The following KIF1B variants were observed in gnomAD, a reference collection of about 807,000 sequenced individuals.
The protein encoded by KIF1B is kinesin family member 1B.
KIF1B carries 76 observed loss-of-function variants against 241.9 expected under a neutral mutation model. The observed-to-expected ratio is 0.31, with a 90% CI of 0.26 to 0.38. KIF1B has a LOEUF of 0.38. Among genes scored for constraint, KIF1B ranks in the 10% least tolerant of loss-of-function variants. The pLI is 1.00. For synonymous variants in KIF1B, 750 were observed against 796.7 expected (o/e 0.94, Z 0.99); for missense variants, 1,622 against 2,271.4 (o/e 0.71, Z 5.81).
At chr1:10,247,542 T>C (rs1049183967) in intron 2 of KIF1B, among the ~76,000 whole-genome samples, 4 of 152,226 alleles carry the variant, frequency 2.6e-5, no homozygotes, top group Admixed American at 6.5e-5. Flanking sequence ...ATGGTAGACA[T>C]GCAAGTATTT....
At chr1:10,343,383 A>T (rs543900769) in intron 34 of KIF1B, 96 bp downstream of exon 34, 3 of 1,105,076 alleles carry the variant, frequency 2.7e-6, no homozygotes, top group Non-Finnish European at 4.1e-6. Context: ...TTGAATTCCT[A>T]TTCTTCTATA....
chr1:10,308,429 C>A, intron 22 of KIF1B: 2 of 1,043,958 alleles, frequency 1.9e-6, no homozygotes, highest in Non-Finnish European at 2.3e-6. Context: ...AGTTTTGAAT[C>A]TTCTTGTTAA....
At chr1:10,224,157 C>T (rs1646881245) in intron 1 of KIF1B, among the ~76,000 whole-genome samples, 1 of 152,054 alleles carries the variant, frequency 6.6e-6, no homozygotes, top group Non-Finnish European at 1.5e-5. Flanking sequence ...CTCTGTTGCC[C>T]AGGCTGGAGT....
intron 10 of KIF1B, among the ~76,000 whole-genome samples, chr1:10,273,936 T>TC (rs1178349504): frequency 4.6e-5 from 6 of 131,512 alleles, no homozygotes; most frequent in Non-Finnish European, 6.5e-5. Context: ...AGTAGCTTCT[T>TC]TTTTTTTTTT....
At chr1:10,296,772 TTTG>T in intron 20 of KIF1B, 107 bp downstream of exon 20, 1 of 1,388,116 alleles carries the variant, frequency 7.2e-7, no homozygotes, top group Non-Finnish European at 1.0e-6. Context: ...CATTAGGATT[TTTG>T]TTCTTGTAAA....
intron 1 of KIF1B, among the ~76,000 whole-genome samples, chr1:10,231,868 G>A (rs1235088189): frequency 6.6e-6 from 1 of 152,026 alleles, no homozygotes; most frequent in African/African-American, 2.4e-5. Context: ...TAATAAATAG[G>A]GACTTTTTAG....
chr1:10,354,186 G>C (rs955952550), intron 38 of KIF1B, among the ~76,000 whole-genome samples: 1 of 152,134 alleles, frequency 6.6e-6, no homozygotes, highest in African/African-American at 2.4e-5. Flanking sequence ...ATCAAAAAAG[G>C]CTGAAGTCAA....
chr1:10,321,569 T>C (rs924744764), intron 23 of KIF1B, 140 bp from the exon 24 acceptor site: 1 of 839,972 alleles, frequency 1.2e-6, no homozygotes, highest in Non-Finnish European at 2.0e-6. Context: ...TGGTAAGCTT[T>C]ACTAAAAAGA....
At position 10,320,091 on chromosome 1, in the gene KIF1B, T is replaced by A; in HGVS notation, c.2164T>A (p.Ser722Thr). 1.2e-6 allele frequency: 2 copies of A among 1,613,900 alleles called. No individual in the cohort carries two copies. The highest frequency in any genetic ancestry group is 1.7e-6 in the Non-Finnish European group (2 of 1,179,860). Residue 722 changes from serine (S) to threonine (T), a missense_variant, in exon 23 of 49, where the codon TCT becomes ACT. Ser to Thr is a moderately conservative substitution (Grantham distance 58). Coordinates refer to ENST00000676179, the MANE Select transcript of KIF1B (RefSeq NM_001365951.3). ...CTTGCAGAAGCAGGTTGAAACCCGA[T>A]CTCTGGCTGCAGAAACAACTGAAGA... ...QALQKQVETR[S>T]LAAETTEEEE...
At chr1:10,272,908 T>G in intron 9 of KIF1B, 106 bp from the exon 10 acceptor site, 1 of 939,666 alleles carries the variant, frequency 1.1e-6, no homozygotes, top group East Asian at 2.7e-5. Context: ...CTTGCTTGCC[T>G]TGGAGAAATC....
At chr1:10,308,698 T>A in intron 22 of KIF1B, 1 of 866,886 alleles carries the variant, frequency 1.2e-6, no homozygotes. Context: ...CATCTGAAGA[T>A]GGTTGTAAAC....
intron 5 of KIF1B, among the ~76,000 whole-genome samples, chr1:10,262,601 A>G (rs1262657753): frequency 6.6e-6 from 1 of 152,180 alleles, no homozygotes; most frequent in Admixed American, 6.5e-5. Context: ...GGAGGGTGTA[A>G]GCACCCATTG....
At chr1:10,336,516 C>T (rs551993250) in intron 28 of KIF1B, 141 bp from the exon 29 acceptor site, 7 of 743,580 alleles carry the variant, frequency 9.4e-6, no homozygotes, top group African/African-American at 1.7e-5. Context: ...GAATAGAGTG[C>T]GAAGCAGCCC....
chr1:10,243,848 T>G (rs998183076), intron 2 of KIF1B, among the ~76,000 whole-genome samples: 2 of 152,228 alleles, frequency 1.3e-5, no homozygotes, highest in Admixed American at 1.3e-4. Flanking sequence ...AAGGGGCAGA[T>G]GATTATCAGT....
In KIF1B at chr1:10,348,741, C is replaced by G. The variant is rs753100181; in HGVS notation, c.3949+8C>G. ...TTCGTGAACTGGTGGTAGGTGAGTA[C>G]GTTTCATCAGCCAAGGATAGAACCA... On this transcript the variant is annotated splice_region_variant and intron_variant, in intron 37 of 48. Transcript: ENST00000676179. The G allele has an allele frequency of 1.2e-6, 2 of 1,605,912 alleles. No homozygotes were observed. The highest frequency in any genetic ancestry group is 2.2e-5 in the East Asian group (1 of 44,830).
At chr1:10,258,108 AAAGAAGTATTTTTAT>A (rs1401082211) in intron 3 of KIF1B, among the ~76,000 whole-genome samples, 10 of 152,248 alleles carry the variant, frequency 6.6e-5, no homozygotes, top group African/African-American at 1.2e-4. Flanking sequence ...GAGTGAGTTC[AAAGAAGTATTTTTAT>A]ATGTGGACTT....
At chr1:10,263,385 T>C (rs2102197130) in intron 5 of KIF1B, among the ~76,000 whole-genome samples, 1 of 152,270 alleles carries the variant, frequency 6.6e-6, no homozygotes. Context: ...GTATTCACTT[T>C]CATAGTAACT....
intron 32 of KIF1B, among the ~76,000 whole-genome samples, chr1:10,340,748 C>G (rs796113773): frequency 1.3e-5 from 2 of 152,084 alleles, no homozygotes; most frequent in African/African-American, 4.8e-5. Context: ...TGCACTCCAG[C>G]CTGGGCAAGA....
At chr1:10,265,239 TATTTA>T (rs1648391214) in intron 5 of KIF1B, among the ~76,000 whole-genome samples, 4 of 122,288 alleles carry the variant, frequency 3.3e-5, no homozygotes, top group African/African-American at 8.2e-5. Context: ...TTTATTTATT[TATTTA>T]TTTATTTTTA....
Sources: allele counts gnomAD v4.1 joint callset (sites outside exome capture counted in the v4.1 genomes callset), GRCh38; gene constraint gnomAD v4.1.1; transcripts MANE v1.5; gene names NCBI Gene and HGNC (gene_info 2026-07-23, HGNC 2026-07-21).